The following TTN variants were observed in gnomAD, a reference collection of about 807,000 sequenced individuals.
The protein encoded by TTN is titin.
A neutral mutation model predicts 3,223.0 loss-of-function variants in TTN; 1,525 were observed. That is an observed-to-expected ratio of 0.47 (90% CI 0.45 to 0.49). The LOEUF is 0.49. Ranked by LOEUF, TTN falls within the 20% of genes least tolerant of loss-of-function variation. The pLI is 0.00. For missense variants in TTN, 40,786 were observed against 43,424.0 expected (o/e 0.94, Z 5.40); for synonymous variants, 14,094 against 15,161.0 (o/e 0.93, Z 5.17).
chr2:178,620,153 G>A (rs1365349739), intron 248 of TTN, 41 bp from the exon 249 acceptor site: 6 of 1,592,870 alleles, frequency 3.8e-6, no homozygotes, highest in Non-Finnish European at 3.4e-6. Flanking sequence ...TGCAATGATG[G>A]CCACTAAATT....
In TTN at chr2:178,741,067, G is replaced by C; in HGVS notation, c.12166C>G (p.Pro4056Ala). 1 of 1,613,896 alleles carries C rather than the reference G, an allele frequency of 6.2e-7. No individual in the cohort carries two copies. ...GCTTCAACTGCGGGACCCTTTAAGGGTGTCTGTGGAAAATCCTCAGGAGCC... is the reference window on the plus strand; with the variant it reads ...GCTTCAACTGCGGGACCCTTTAAGGCTGTCTGTGGAAAATCCTCAGGAGCC... ...PEAPEDFPQT[P>A]LKGPAVEALD... The change falls in exon 48 of 363, where the codon CCC (proline) becomes GCC (alanine). Residue 4056 changes from proline (P) to alanine (A), a missense_variant. Coordinates refer to ENST00000589042, the MANE Select transcript of TTN (RefSeq NM_001267550.2).
rs760944340 is a variant in TTN, at chr2:178,731,173, G to T, written c.17492C>A (p.Ser5831Tyr). ...TGGGTCTCCTTGGGTGACATCTATA[G>T]ACACAGCTTCCTCGGTGATTGTTGC... is the stretch of plus-strand genomic sequence containing the variant. Reference protein sequence around the residue: ...EPATITEEAVSIDVTQGDPAT... With the variant: ...EPATITEEAVYIDVTQGDPAT... Residue 5831 changes from serine to tyrosine, a missense_variant, in exon 60 of 363, where the codon TCT becomes TAT. Transcript: ENST00000589042. 2 of 1,613,496 alleles carry T rather than the reference G, an allele frequency of 1.2e-6. No homozygotes were observed. The highest frequency in any genetic ancestry group is 1.7e-6 in the Non-Finnish European group (2 of 1,179,586).
intron 52 of TTN, 130 bp downstream of exon 52, chr2:178,734,197 TC>T: frequency 8.8e-7 from 1 of 1,135,942 alleles, no homozygotes; most frequent in Non-Finnish European, 1.2e-6. Flanking sequence ...GTTCCCAAGG[TC>T]CCAGGTCAAA....
At chr2:178,540,794 TCAAAAAAACA>T (rs916053376) in intron 350 of TTN, among the ~76,000 whole-genome samples, 5 of 152,082 alleles carry the variant, frequency 3.3e-5, no homozygotes, top group African/African-American at 9.7e-5. Context: ...AGACTCTGTC[TCAAAAAAACA>T]CAAAAAAACA....
chr2:178,545,467 G>C lies in TTN; in HGVS notation c.95643C>G (p.Phe31881Leu), dbSNP rs1157557986. The change falls in exon 344 of 363, where the codon TTC becomes TTG. Residue 31881 changes from phenylalanine to leucine, a missense_variant. Phe to Leu is a conservative substitution (Grantham distance 22). Coordinates refer to ENST00000589042, the MANE Select transcript of TTN (RefSeq NM_001267550.2). ...CAGCTGCATTCACTGCGGTCACCCG[G>C]AACTGGTAATCACAACCCTCCATCA... ...TSLMEGCDYQ[F>L]RVTAVNAAGN... 6.2e-7 allele frequency: 1 copy of C among 1,613,162 alleles called. No homozygotes were observed. The highest frequency in any genetic ancestry group is 1.7e-5 in the Admixed American group (1 of 60,002).
At position 178,536,494 on chromosome 2, in the gene TTN, C is replaced by G; in HGVS notation, c.100253G>C (p.Ser33418Thr). 1 of 1,568,562 alleles carries G rather than the reference C, an allele frequency of 6.4e-7. No homozygotes were observed. The highest frequency in any genetic ancestry group is 8.6e-7 in the Non-Finnish European group (1 of 1,157,594). ...ATTTCTAATCTTTGCACCTCCATCA[C>G]TGGCAGGTGGCTTCCAGGCCACAAC... is the stretch of plus-strand genomic sequence containing the variant. ...SCVVAWKPPA[S>T]DGGAKIRNYY... Residue 33418 changes from serine to threonine, a missense_variant, in exon 357 of 363, where the codon AGT becomes ACT. Ser to Thr is a moderately conservative substitution (Grantham distance 58). Coordinates refer to ENST00000589042, the MANE Select transcript of TTN (RefSeq NM_001267550.2).
intron 10 of TTN, among the ~76,000 whole-genome samples, chr2:178,791,625 C>T (rs568356765): frequency 9.3e-5 from 14 of 150,908 alleles, no homozygotes; most frequent in South Asian, 2.1e-4. Context: ...CTTTCCCTTG[C>T]TATTTATTCG....
Position 178,729,096 on chromosome 2 carries a change from G to C in TTN, c.18942C>G (p.Thr6314=), listed in dbSNP as rs572285982. 6.2e-7 allele frequency: 1 copy of C among 1,611,514 alleles called. No homozygotes were observed. Among genetic ancestry groups the C allele is most frequent in the Non-Finnish European group, 8.5e-7 (1 of 1,178,860 alleles). ...VLKSSATFQS[T]VAGSPPISIT... The stretch of plus-strand genomic sequence containing the variant: ...TAGAAATAGGAGGAGAACCTGCCAC[G>C]GTACTCTGAAAGGTGGCAGAACTTT... The change falls in exon 65 of 363, where the codon ACC becomes ACG. Residue 6314 remains threonine (T), a synonymous_variant. Coordinates refer to ENST00000589042, the MANE Select transcript of TTN (RefSeq NM_001267550.2).
chr2:178,541,409 C>T lies in TTN; in HGVS notation c.97668G>A (p.Met32556Ile). The change falls in exon 350 of 363, where the codon ATG becomes ATA. Residue 32556 changes from methionine to isoleucine, a missense_variant. By Grantham distance (10) the Met-to-Ile change is conservative. Coordinates refer to ENST00000589042, the MANE Select transcript of TTN (RefSeq NM_001267550.2). The part of the protein sequence containing the change: ...WVRVNKVPVT[M>I]TRYRSTGLTE... Reference sequence around the variant, plus strand: ...TAAGGCCAGTGGAGCGGTACCGTGTCATTGTCACAGGTACTTTATTTACAC... The same window carrying T: ...TAAGGCCAGTGGAGCGGTACCGTGTTATTGTCACAGGTACTTTATTTACAC... 1 of 1,613,070 alleles carries T rather than the reference C, an allele frequency of 6.2e-7. No individual in the cohort carries two copies. Among genetic ancestry groups the T allele is most frequent in the Non-Finnish European group, 8.5e-7 (1 of 1,179,456 alleles).
rs184992753 is a variant in TTN at position 178,687,900 on chromosome 2, G to C, written c.32311+211C>G. On this transcript the variant is annotated intron_variant, in intron 127 of 362. Transcript: ENST00000589042. ...TATTCTATGTAGGCAAGTAAGAAGG[G>C]ATGCAGAAGAAATACACTGGATTTC... Among the ~76,000 whole-genome samples, 274 of 152,220 alleles carry C rather than the reference G, an allele frequency of 1.8e-3. 5 individuals carry two copies. The South Asian group carries it at 0.024, about 13-fold the overall frequency.
In TTN at chr2:178,633,052, G is replaced by A. The variant is rs772306836; in HGVS notation, c.43087-8C>T. The A allele has an allele frequency of 9.3e-6, 15 of 1,611,324 alleles. No homozygotes were observed. The highest frequency in any genetic ancestry group is 4.0e-5 in the African/African-American group (3 of 74,786). On this transcript the variant is annotated splice_polypyrimidine_tract_variant and splice_region_variant and intron_variant, in intron 233 of 362. Coordinates refer to ENST00000589042, the MANE Select transcript of TTN (RefSeq NM_001267550.2). ...CTCAATGATTTCACAGTCCTGTTTG[G>A]AGTGAGGGTTAGAAGGAAAGAAAGA...
At chr2:178,796,495 C>CT (rs897466183) in intron 6 of TTN, among the ~76,000 whole-genome samples, 14 of 152,026 alleles carry the variant, frequency 9.2e-5, no homozygotes, top group African/African-American at 2.4e-4. Flanking sequence ...CGAAGAATGG[C>CT]TTTTTTTGTG....
rs769765778 is a variant in TTN, at chr2:178,773,459, T to C, written c.7594+3A>G. The C allele has an allele frequency of 6.2e-7, 1 of 1,614,016 alleles. No individual in the cohort carries two copies. Among genetic ancestry groups the C allele is most frequent in the Admixed American group, 1.7e-5 (1 of 60,000 alleles). Reference sequence around the variant, plus strand: ...ATTATTAGATAGGTAGAATAATCCTTACTTTCTACAGAGAGATTACAGTTG... The same window carrying C: ...ATTATTAGATAGGTAGAATAATCCTCACTTTCTACAGAGAGATTACAGTTG... On this transcript the variant is annotated splice_donor_region_variant and intron_variant, in intron 32 of 362. Transcript: ENST00000589042.
In TTN at chr2:178,588,715, C is replaced by T. The variant is rs769345390; in HGVS notation, c.63010G>A (p.Glu21004Lys). Residue 21004 changes from glutamate (E) to lysine (K), a missense_variant, in exon 304 of 363, where the codon GAA becomes AAA. Glu to Lys is a moderately conservative substitution (Grantham distance 56). Transcript: ENST00000589042. ...GGGACCCATCGTGTTGAATGCTTTT[C>T]CTTTTTCTCCAAAAAGTATCCAGTT... ...SITGYFLEKK[E>K]KHSTRWVPVN... is the part of the protein sequence containing the mutation. 1 of 1,613,198 alleles carries T rather than the reference C, an allele frequency of 6.2e-7. No individual in the cohort carries two copies. The highest frequency in any genetic ancestry group is 2.2e-5 in the East Asian group (1 of 44,734).
rs768629521 is a variant in TTN, at chr2:178,651,982, G to A, written c.39296-15C>T. The A allele has an allele frequency of 6.8e-6, 11 of 1,610,616 alleles. No individual in the cohort carries two copies. In the Admixed American group the frequency reaches 1.7e-4, roughly 25 times the overall value. Reference sequence around the variant, plus strand: ...CTCCTCGAACACTTTAAAGACATGAGCTCATTTTAATGCCAGAATTGACTA... The same window carrying A: ...CTCCTCGAACACTTTAAAGACATGAACTCATTTTAATGCCAGAATTGACTA... On this transcript the variant is annotated splice_polypyrimidine_tract_variant and intron_variant, in intron 204 of 362. Coordinates refer to ENST00000589042, the MANE Select transcript of TTN (RefSeq NM_001267550.2).
At position 178,759,682 on chromosome 2, in the gene TTN, G is replaced by GAA. The variant is rs546761878; in HGVS notation, c.10115-512_10115-511dup. On this transcript the variant is annotated intron_variant, in intron 43 of 362. Transcript: ENST00000589042. The stretch of plus-strand genomic sequence containing the variant: ...AAAATAGATACCTTTGAAGGCTGTA[G>GAA]AAAAAAAATCTCTATCTTTGTTACT... Among the ~76,000 whole-genome samples, 176 of 152,040 alleles carry GAA rather than the reference G, an allele frequency of 1.2e-3. 1 individual carries two copies. The highest frequency in any genetic ancestry group is 4.1e-3 in the African/African-American group (170 of 41,520).
chr2:178,792,250 A>G, intron 9 of TTN, 53 bp from the exon 10 acceptor site: 8 of 1,546,902 alleles, frequency 5.2e-6, no homozygotes, highest in Non-Finnish European at 7.0e-6. Flanking sequence ...CAATGAAATA[A>G]TATGGTGTTT....
intron 217 of TTN, 97 bp from the exon 218 acceptor site, chr2:178,644,713 TAACCAGAAAGCATTAATAAC>T: frequency 1.1e-6 from 1 of 948,140 alleles, no homozygotes; most frequent in East Asian, 3.1e-5. Context: ...GCTTTGCTTA[TAACCAGAAAGCATTAATAAC>T]AGCCAAGAAC....
intron 33 of TTN, among the ~76,000 whole-genome samples, chr2:178,772,371 G>T (rs1179821607): frequency 1.3e-5 from 2 of 151,798 alleles, no homozygotes; most frequent in East Asian, 3.9e-4. Context: ...TGGACAACAC[G>T]ATCTGAATGT....
Sources: gnomAD v4.1 joint callset for allele counts (sites outside exome capture counted in the v4.1 genomes callset) on GRCh38, gnomAD v4.1.1 for gene constraint, MANE v1.5 for transcripts, NCBI Gene and HGNC (gene_info 2026-07-23, HGNC 2026-07-21) for gene names.